The following ACOXL variants were observed in gnomAD, a reference collection of about 807,000 sequenced individuals.
ACOXL encodes acyl-coenzyme A oxidase-like protein.
A neutral mutation model predicts 71.9 loss-of-function variants in ACOXL; 70 were observed. That is an observed-to-expected ratio of 0.97 (90% confidence interval 0.80 to 1.19). The LOEUF (loss-of-function observed/expected upper bound fraction) is 1.19. Among genes scored for constraint, ACOXL ranks in the 50% most tolerant of loss-of-function variants. The pLI is 0.00. For synonymous variants in ACOXL, 253 were observed against 281.6 expected (o/e 0.90, Z 1.02); for missense variants, 703 against 736.3 (o/e 0.95, Z 0.52).
chr2:111,103,951 C>T (rs919537212), intron 17 of ACOXL, among the ~76,000 whole-genome samples: 2 of 152,200 alleles, frequency 1.3e-5, no homozygotes, highest in Non-Finnish European at 2.9e-5. Flanking sequence ...TTTGTCACCA[C>T]TTGTGGCTCC....
At chr2:110,780,871 GA>G (rs569179860) in intron 2 of ACOXL, among the ~76,000 whole-genome samples, 50 of 147,000 alleles carry the variant, frequency 3.4e-4, no homozygotes, top group African/African-American at 7.5e-4. Context: ...CTAGTTTCCA[GA>G]AAAAAAAAAA....
rs375957386 is a variant in ACOXL, at chr2:110,973,401, G to A, written c.1060-13707G>A. 1.1e-4 allele frequency among the ~76,000 whole-genome samples: 17 copies of A among 152,164 alleles called. No individual in the cohort carries two copies. In the East Asian group the frequency reaches 2.9e-3, roughly 26 times the overall value. On this transcript the variant is annotated intron_variant, in intron 12 of 17. Transcript: ENST00000439055. ...GGCCTTTGAGAGGTGATTAGGTCAC[G>A]ATCACGCTGCCCTCATGGGTGGGGT...
chr2:110,986,960 A>G (rs1009358261), intron 12 of ACOXL, 148 bp from the exon 13 acceptor site: 14 of 673,118 alleles, frequency 2.1e-5, no homozygotes, highest in Non-Finnish European at 3.6e-5. Context: ...CCTTGGGGAA[A>G]TAGAGACCCT....
At chr2:110,886,603 T>C (rs1339868339) in intron 10 of ACOXL, among the ~76,000 whole-genome samples, 1 of 152,088 alleles carries the variant, frequency 6.6e-6, no homozygotes, top group Non-Finnish European at 1.5e-5. Flanking sequence ...GGTCTTGAAT[T>C]CCTAACCTCA....
At chr2:110,909,370 TGG>T (rs1405888283) in intron 11 of ACOXL, among the ~76,000 whole-genome samples, 2 of 152,168 alleles carry the variant, frequency 1.3e-5, no homozygotes, top group African/African-American at 4.8e-5. Flanking sequence ...TAAGTACACC[TGG>T]AAATTCACAT....
intron 15 of ACOXL, among the ~76,000 whole-genome samples, chr2:111,038,820 C>G (rs1208150488): frequency 1.3e-5 from 2 of 152,264 alleles, no homozygotes; most frequent in East Asian, 3.9e-4. Context: ...AGGACATGTT[C>G]TAATCTCACA....
Position 110,805,244 on chromosome 2 carries a change from C to A in ACOXL, c.621-19C>A. On this transcript the variant is annotated intron_variant, in intron 8 of 17. Coordinates refer to ENST00000439055, the MANE Select transcript of ACOXL (RefSeq NM_001142807.4). ...CTATGTCCTGCTTTTTTGTGAAACC[C>A]CACCTCTCTTTTCCACAGGTTTGGT... is the stretch of plus-strand genomic sequence containing the variant. 1 of 1,612,854 alleles carries A rather than the reference C, an allele frequency of 6.2e-7. No individual in the cohort carries two copies. The highest frequency in any genetic ancestry group is 8.5e-7 in the Non-Finnish European group (1 of 1,179,474).
chr2:110,812,641 A>G (rs1687476867), intron 9 of ACOXL, among the ~76,000 whole-genome samples: 1 of 152,244 alleles, frequency 6.6e-6, no homozygotes, highest in South Asian at 2.1e-4. Flanking sequence ...TCCTTAAAAG[A>G]TACATCTACT....
intron 16 of ACOXL, among the ~76,000 whole-genome samples, chr2:111,085,171 C>T (rs35823383): frequency 0.086 from 13,062 of 152,152 alleles, 651 homozygotes; most frequent in Non-Finnish European, 0.11. Context: ...AGACAGATCA[C>T]TGAGGCAGAA....
chr2:110,928,572 T>C (rs1227409311), intron 11 of ACOXL, among the ~76,000 whole-genome samples: 1 of 152,250 alleles, frequency 6.6e-6, no homozygotes, highest in African/African-American at 2.4e-5. Context: ...TTTGGTCTTT[T>C]TATACAAAAT....
At chr2:110,924,591 GAA>G (rs2060202550) in intron 11 of ACOXL, among the ~76,000 whole-genome samples, 1 of 152,152 alleles carries the variant, frequency 6.6e-6, no homozygotes, top group South Asian at 2.1e-4. Context: ...CCTCATCTGT[GAA>G]AGTTTTATTA....
intron 14 of ACOXL, 71 bp downstream of exon 14, chr2:110,996,075 T>A: frequency 7.6e-7 from 1 of 1,316,588 alleles, no homozygotes; most frequent in Non-Finnish European, 1.1e-6. Context: ...GTGAACTATC[T>A]GTTAAGTTTA....
chr2:110,789,184 A>G (rs1413596958), intron 3 of ACOXL, among the ~76,000 whole-genome samples: 1 of 152,302 alleles, frequency 6.6e-6, no homozygotes, highest in East Asian at 1.9e-4. Flanking sequence ...GCATATTAGC[A>G]AAGTGCCAGG....
At chr2:110,866,087 C>G (rs1694550366) in intron 10 of ACOXL, among the ~76,000 whole-genome samples, 1 of 152,194 alleles carries the variant, frequency 6.6e-6, no homozygotes, top group Non-Finnish European at 1.5e-5. Flanking sequence ...GCGGGGAGGT[C>G]AGGCAGCTTG....
At chr2:110,882,082 G>C (rs549475064) in intron 10 of ACOXL, among the ~76,000 whole-genome samples, 1 of 152,092 alleles carries the variant, frequency 6.6e-6, no homozygotes, top group African/African-American at 2.4e-5. Context: ...TTACTTTCCC[G>C]ACAGCGGCGT....
At chr2:110,828,503 T>A (rs534281412) in intron 9 of ACOXL, among the ~76,000 whole-genome samples, 45 of 152,382 alleles carry the variant, frequency 3.0e-4, no homozygotes, top group Admixed American at 2.0e-4. Flanking sequence ...TCTTGCTTTC[T>A]GGCATTGACA....
intron 12 of ACOXL, among the ~76,000 whole-genome samples, chr2:110,949,290 G>A (rs867864646): frequency 1.3e-5 from 2 of 151,724 alleles, no homozygotes; most frequent in Non-Finnish European, 2.9e-5. Flanking sequence ...CCTAGTAGAA[G>A]GGCCTTCTCA....
At chr2:110,866,626 G>T (rs1694618367) in intron 10 of ACOXL, among the ~76,000 whole-genome samples, 1 of 152,148 alleles carries the variant, frequency 6.6e-6, no homozygotes, top group Non-Finnish European at 1.5e-5. Context: ...GGAGCCAGGG[G>T]CAGAGTCGTG....
chr2:110,989,344 T>G (rs2063074991), intron 13 of ACOXL, among the ~76,000 whole-genome samples: 1 of 152,210 alleles, frequency 6.6e-6, no homozygotes, highest in African/African-American at 2.4e-5. Flanking sequence ...AGTCTCTTTG[T>G]GTATTTTTGA....
Sources: gnomAD v4.1 joint callset for allele counts (sites outside exome capture counted in the v4.1 genomes callset) on GRCh38, gnomAD v4.1.1 for gene constraint, MANE v1.5 for transcripts, NCBI Gene and HGNC (gene_info 2026-07-23, HGNC 2026-07-21) for gene names.